The following SAP30L variants were observed in gnomAD, a reference collection of about 807,000 sequenced individuals.
SAP30L encodes histone deacetylase complex subunit SAP30L.
SAP30L carries 10 observed loss-of-function variants against 22.3 expected under a neutral mutation model. The observed-to-expected ratio is 0.45, with a 90% CI of 0.28 to 0.76. The LOEUF is 0.76. Among genes scored for constraint, SAP30L ranks in the 30% least tolerant of loss-of-function variants. The pLI is 0.14. For synonymous variants in SAP30L, 91 were observed against 94.1 expected (o/e 0.97, Z 0.19); for missense variants, 206 against 237.9 (o/e 0.87, Z 0.88).
At position 154,457,927 on chromosome 5, in the gene SAP30L, G is replaced by C. The variant is rs1757298117; in HGVS notation, c.*1899G>C. The C allele has an allele frequency of 2.6e-5, 4 of 152,184 alleles. No individual in the cohort carries two copies. The South Asian group carries it at 8.3e-4, about 32-fold the overall frequency. The allele number at this position is 152,184 out of a possible 1,614,324, so 9.4% of individuals were successfully genotyped here. ...GGGGCAGATGGGGCCTGCAGGTTAA[G>C]GCATTGTTAACTTGCTCCATGGAAA... On this transcript the variant is annotated 3_prime_UTR_variant, in exon 4 of 4. Coordinates refer to ENST00000297109, the MANE Select transcript of SAP30L (RefSeq NM_024632.6).
chr5:154,450,178 C>T (rs1475813742), intron 1 of SAP30L, among the ~76,000 whole-genome samples: 1 of 152,178 alleles, frequency 6.6e-6, no homozygotes, highest in Admixed American at 6.5e-5. Context: ...CTCCAGCCAG[C>T]CTTGGAGGAT....
At position 154,446,640 on chromosome 5, in the gene SAP30L, A is replaced by C. The variant is rs755763544; in HGVS notation, c.36A>C (p.Glu12Asp). Residue 12 changes from glutamate (E) to aspartate (D), a missense_variant, in exon 1 of 4, where the codon GAA becomes GAC. By Grantham distance (45) the Glu-to-Asp change is conservative. Transcript: ENST00000297109. ...NGFSTEEDSR[E>D]GPPAAPAAAA... ...TCAGCACGGAGGAGGACAGCCGCGA[A>C]GGGCCCCCCGCCGCCCCAGCTGCCG... The C allele has an allele frequency of 3.9e-5, 60 of 1,528,964 alleles. No homozygotes were observed. Among genetic ancestry groups the C allele is most frequent in the Non-Finnish European group, 5.0e-5 (57 of 1,140,064 alleles). 94.7% of individuals were successfully genotyped at this position (1,528,964 alleles called of 1,614,324 possible).
At chr5:154,453,283 T>C in intron 2 of SAP30L, 119 bp from the exon 3 acceptor site, 1 of 689,218 alleles carries the variant, frequency 1.5e-6, no homozygotes, top group Non-Finnish European at 2.6e-6. Context: ...TTCTAAGACC[T>C]CTTTTGAAGC....
chr5:154,446,706 C>T lies in SAP30L; in HGVS notation c.102C>T (p.Asp34=). Reference sequence around the variant, plus strand: ...GCCAGAGCTGCTGCCTCATCGAGGACGGCGAGCGCTGCGTCCGGCCCGCGG... The same window carrying T: ...GCCAGAGCTGCTGCCTCATCGAGGATGGCGAGCGCTGCGTCCGGCCCGCGG... ...GYGQSCCLIE[D]GERCVRPAGN... The change falls in exon 1 of 4, where the codon GAC becomes GAT. Residue 34 remains aspartate, a synonymous_variant. Transcript: ENST00000297109. 6.3e-7 allele frequency: 1 copy of T among 1,598,456 alleles called. No homozygotes were observed. Among genetic ancestry groups the T allele is most frequent in the African/African-American group, 1.3e-5 (1 of 74,514 alleles).
At chr5:154,455,130 C>T (rs1449254144) in intron 3 of SAP30L, among the ~76,000 whole-genome samples, 1 of 152,156 alleles carries the variant, frequency 6.6e-6, no homozygotes, top group African/African-American at 2.4e-5. Context: ...GTTGGCCAGG[C>T]TGGTCTCGGA....
chr5:154,455,885 T>A lies in SAP30L; in HGVS notation c.424-15T>A. On this transcript the variant is annotated splice_polypyrimidine_tract_variant and intron_variant, in intron 3 of 3. Transcript: ENST00000297109. ...TGCATGGTTTAAGGAACTTTGGTAT[T>A]TTCCCCCCACATAGACTGTGAGTCG... 3 of 1,599,838 alleles carry A rather than the reference T, an allele frequency of 1.9e-6. No individual in the cohort carries two copies. Among genetic ancestry groups the A allele is most frequent in the Non-Finnish European group, 2.6e-6 (3 of 1,175,670 alleles).
rs1172728286 is a variant in SAP30L at position 154,446,922 on chromosome 5, C to T, written c.201+117C>T. On this transcript the variant is annotated intron_variant, in intron 1 of 3. Coordinates refer to ENST00000297109, the MANE Select transcript of SAP30L (RefSeq NM_024632.6). Reference sequence around the variant, plus strand: ...CGCCGTGGGCCTCGCCGCCCCGGCTCTGCAGAACTGAGTTGGACTCCGCAT... The same window carrying T: ...CGCCGTGGGCCTCGCCGCCCCGGCTTTGCAGAACTGAGTTGGACTCCGCAT... The T allele has an allele frequency of 1.4e-5, 11 of 806,876 alleles. No homozygotes were observed. In the East Asian group the frequency reaches 1.4e-4, roughly 10 times the overall value. 50.0% of individuals were successfully genotyped at this position (806,876 alleles called of 1,614,324 possible). A position where few individuals can be genotyped will look rare whatever the true frequency, so the allele number is the denominator to read the frequency against.
At chr5:154,447,440 G>A (rs758478917) in intron 1 of SAP30L, among the ~76,000 whole-genome samples, 2 of 152,226 alleles carry the variant, frequency 1.3e-5, no homozygotes, top group Non-Finnish European at 2.9e-5. Context: ...AAATAAGGGG[G>A]TGGATATTTA....
intron 3 of SAP30L, among the ~76,000 whole-genome samples, chr5:154,455,056 TA>T: frequency 6.6e-6 from 1 of 152,124 alleles, no homozygotes; most frequent in Non-Finnish European, 1.5e-5. Context: ...TGGCTGGGAT[TA>T]CAGGTGCCTG....
At position 154,457,207 on chromosome 5, in the gene SAP30L, C is replaced by G. The variant is rs1452127204; in HGVS notation, c.*1179C>G. ...TTTTGTTGTTCAAAACGTTGAACTC[C>G]TCAATCTAATTATATCAGAGCCAAA... On this transcript the variant is annotated 3_prime_UTR_variant, in exon 4 of 4. Coordinates refer to ENST00000297109, the MANE Select transcript of SAP30L (RefSeq NM_024632.6). 1 of 152,110 alleles carries G rather than the reference C, an allele frequency of 6.6e-6. No homozygotes were observed. The highest frequency in any genetic ancestry group is 1.5e-5 in the Non-Finnish European group (1 of 68,026). The allele number at this position is 152,110 out of a possible 1,614,324, so 9.4% of individuals were successfully genotyped here.
Position 154,446,121 on chromosome 5 carries a change from G to T in SAP30L, c.-484G>T, listed in dbSNP as rs982629926. 1.1e-4 allele frequency: 16 copies of T among 151,550 alleles called. No homozygotes were observed. The highest frequency in any genetic ancestry group is 3.6e-4 in the African/African-American group (15 of 41,460). 9.4% of individuals were successfully genotyped at this position (151,550 alleles called of 1,614,324 possible). A position where few individuals can be genotyped will look rare whatever the true frequency, so the allele number is the denominator to read the frequency against. On this transcript the variant is annotated 5_prime_UTR_variant, in exon 1 of 4. Coordinates refer to ENST00000297109, the MANE Select transcript of SAP30L (RefSeq NM_024632.6). Reference sequence around the variant, plus strand: ...GAGCCGCGGGGCCCGGGTGCCGCGGGTTCGAGGCCGGGCCCCGCGCGAGGA... The same window carrying T: ...GAGCCGCGGGGCCCGGGTGCCGCGGTTTCGAGGCCGGGCCCCGCGCGAGGA...
chr5:154,448,771 T>A (rs1462094777), intron 1 of SAP30L, among the ~76,000 whole-genome samples: 1 of 152,248 alleles, frequency 6.6e-6, no homozygotes, highest in Non-Finnish European at 1.5e-5. Context: ...AAGGGCAGCC[T>A]GAGCCTAGCA....
chr5:154,446,815 C>T lies in SAP30L; in HGVS notation c.201+10C>T, dbSNP rs1472396180. The T allele has an allele frequency of 6.3e-7, 1 of 1,597,586 alleles. No homozygotes were observed. The highest frequency in any genetic ancestry group is 8.5e-7 in the Non-Finnish European group (1 of 1,173,098). On this transcript the variant is annotated intron_variant, in intron 1 of 3. Coordinates refer to ENST00000297109, the MANE Select transcript of SAP30L (RefSeq NM_024632.6). ...GGACATCGACAAGAGCGTGAGTCCG[C>T]CCCCGCTCGCGTCTGGGCCCCGGCG...
rs1475502244 is a variant in SAP30L at position 154,459,196 on chromosome 5, T to G, written c.*3168T>G. ...CTTCATGGAAGTCATCCAAAGGCGCTCTCAGTCATTACAATGACAGGATCT... is the reference window on the plus strand; with the variant it reads ...CTTCATGGAAGTCATCCAAAGGCGCGCTCAGTCATTACAATGACAGGATCT... On this transcript the variant is annotated 3_prime_UTR_variant, in exon 4 of 4. Transcript: ENST00000297109. 2 of 152,218 alleles carry G rather than the reference T, an allele frequency of 1.3e-5. No homozygotes were observed. The highest frequency in any genetic ancestry group is 1.5e-5 in the Non-Finnish European group (1 of 68,050). 9.4% of individuals were successfully genotyped at this position (152,218 alleles called of 1,614,324 possible).
Position 154,458,209 on chromosome 5 carries a change from C to T in SAP30L, c.*2181C>T, listed in dbSNP as rs1451503577. The T allele has an allele frequency of 6.6e-6, 1 of 152,246 alleles. No individual in the cohort carries two copies. The highest frequency in any genetic ancestry group is 1.5e-5 in the Non-Finnish European group (1 of 68,044). The allele number at this position is 152,246 out of a possible 1,614,324, so 9.4% of individuals were successfully genotyped here. A position where few individuals can be genotyped will look rare whatever the true frequency, so the allele number is the denominator to read the frequency against. On this transcript the variant is annotated 3_prime_UTR_variant, in exon 4 of 4. Coordinates refer to ENST00000297109, the MANE Select transcript of SAP30L (RefSeq NM_024632.6). ...CTGTGTGTGTACTTGGGTCCCTTGT[C>T]TTTCCTCTAAGGAGAGGTGCTTGTG...
At chr5:154,447,252 C>T (rs1561699506) in intron 1 of SAP30L, among the ~76,000 whole-genome samples, 1 of 152,240 alleles carries the variant, frequency 6.6e-6, no homozygotes, top group Non-Finnish European at 1.5e-5. Context: ...GCTCCCGCAT[C>T]CTCGGTATCA....
At position 154,456,302 on chromosome 5, in the gene SAP30L, A is replaced by G. The variant is rs1260248785; in HGVS notation, c.*274A>G. The G allele has an allele frequency of 1.7e-5, 4 of 238,466 alleles. No individual in the cohort carries two copies. The highest frequency in any genetic ancestry group is 2.4e-5 in the Non-Finnish European group (3 of 122,698). The allele number at this position is 238,466 out of a possible 1,614,324, so 14.8% of individuals were successfully genotyped here. ...CAGCATTCAACAAAGCATTAAATCA[A>G]TTCTACTGGAAATGTGGGATAAGAA... On this transcript the variant is annotated 3_prime_UTR_variant, in exon 4 of 4. Coordinates refer to ENST00000297109, the MANE Select transcript of SAP30L (RefSeq NM_024632.6).
rs1438935433 is a variant in SAP30L, at chr5:154,459,039, G to A, written c.*3011G>A. On this transcript the variant is annotated 3_prime_UTR_variant, in exon 4 of 4. Coordinates refer to ENST00000297109, the MANE Select transcript of SAP30L (RefSeq NM_024632.6). ...GTGTTGCATCTAATTTTGGTGTTTA[G>A]GCTTTTTATTTTGTGGGAAGCTTTT... 1 of 152,226 alleles carries A rather than the reference G, an allele frequency of 6.6e-6. No individual in the cohort carries two copies. The highest frequency in any genetic ancestry group is 2.1e-4 in the South Asian group (1 of 4,832). 9.4% of individuals were successfully genotyped at this position (152,226 alleles called of 1,614,324 possible). A position where few individuals can be genotyped will look rare whatever the true frequency, so the allele number is the denominator to read the frequency against.
In SAP30L at chr5:154,453,436, G is replaced by A. The variant is rs754129052; in HGVS notation, c.359G>A (p.Arg120Gln). 6.2e-6 allele frequency: 10 copies of A among 1,614,022 alleles called. No individual in the cohort carries two copies. Among genetic ancestry groups the A allele is most frequent in the Non-Finnish European group, 8.5e-6 (10 of 1,179,958 alleles). The change falls in exon 3 of 4, where the codon CGA becomes CAA. Residue 120 changes from arginine to glutamine, a missense_variant. By Grantham distance (43) the Arg-to-Gln change is conservative. Coordinates refer to ENST00000297109, the MANE Select transcript of SAP30L (RefSeq NM_024632.6). ...DLFQLQVNTL[R>Q]RYKRHYKLQT... ...TTCCAGCTGCAGGTGAACACCCTAC[G>A]ACGTTATAAACGACACTACAAGTTG... is the stretch of plus-strand genomic sequence containing the variant.
Sources: gnomAD v4.1 joint callset for allele counts (sites outside exome capture counted in the v4.1 genomes callset) on GRCh38, gnomAD v4.1.1 for gene constraint, MANE v1.5 for transcripts, NCBI Gene and HGNC (gene_info 2026-07-23, HGNC 2026-07-21) for gene names.